Variants in RUVBL1 observed in about 807,000 individuals in gnomAD.
The protein encoded by RUVBL1 is RuvB like AAA ATPase 1.
A neutral mutation model predicts 52.4 loss-of-function variants in RUVBL1; 4 were observed. That is an observed-to-expected ratio of 0.08 (90% CI 0.04 to 0.17). The LOEUF (loss-of-function observed/expected upper bound fraction) is 0.17. Among genes scored for constraint, RUVBL1 ranks in the 10% least tolerant of loss-of-function variants. The probability of loss-of-function intolerance (pLI) is 1.00; values close to 1 mark genes in which losing one functional copy is unlikely to be tolerated. For missense variants in RUVBL1, 298 were observed against 572.8 expected, an observed-to-expected ratio of 0.52 and a Z score of 4.90; for synonymous variants, 217 against 214.4, an observed-to-expected ratio of 1.01 and a Z score of -0.10.
chr3:128,139,373 A>G (rs114348317), intron 1 of RUVBL1, among the ~76,000 whole-genome samples: 1,784 of 152,374 alleles, frequency 0.012, 28 homozygotes, highest in African/African-American at 0.041. Flanking sequence ...CCAATTTAGA[A>G]AAAACAGGCA....
intron 8 of RUVBL1, among the ~76,000 whole-genome samples, chr3:128,094,355 C>T (rs1438994666): frequency 2.0e-5 from 3 of 152,138 alleles, no homozygotes; most frequent in Non-Finnish European, 4.4e-5. Context: ...GGCAAGAAGC[C>T]GAGAGGGAGC....
At chr3:128,075,616 C>A (rs1942292629) in intron 9 of RUVBL1, among the ~76,000 whole-genome samples, 1 of 152,006 alleles carries the variant, frequency 6.6e-6, no homozygotes, top group Non-Finnish European at 1.5e-5. Flanking sequence ...GTCGCGACTT[C>A]CCAAGTCGTG....
chr3:128,127,863 A>G (rs78973048), upstream of RUVBL1, among the ~76,000 whole-genome samples: 1 of 152,094 alleles, frequency 6.6e-6, no homozygotes, highest in South Asian at 2.1e-4. Context: ...CAGGCATGGC[A>G]GCACACACCT....
At chr3:128,065,151 G>C in exon 10 of RUVBL1, 1 of 1,168,388 alleles carries the variant, frequency 8.6e-7, no homozygotes, top group South Asian at 1.2e-5. Context: ...GTGTTGAAAC[G>C]ATGAGATGGT....
chr3:128,153,525 G>C (rs1251305991), exon 1 of RUVBL1: 1 of 1,514,864 alleles, frequency 6.6e-7, no homozygotes, highest in Non-Finnish European at 8.8e-7. Flanking sequence ...GGCGGCGGGT[G>C]AACGTGAACG....
At chr3:128,129,796 C>A (rs916971827) in intron 1 of RUVBL1, among the ~76,000 whole-genome samples, 1 of 152,122 alleles carries the variant, frequency 6.6e-6, no homozygotes, top group Non-Finnish European at 1.5e-5. Flanking sequence ...TATGGCTCCA[C>A]TATGAGGAAG....
At chr3:128,153,879 C>T (rs897233967) in exon 1 of RUVBL1, 54 of 1,442,454 alleles carry the variant, frequency 3.7e-5, no homozygotes, top group Non-Finnish European at 4.4e-5. Flanking sequence ...AGCGACCGGG[C>T]CCCGTGTCCG....
chr3:128,116,348 C>G (rs145248638), intron 2 of RUVBL1, among the ~76,000 whole-genome samples: 2 of 152,002 alleles, frequency 1.3e-5, no homozygotes, highest in African/African-American at 4.8e-5. Context: ...CGAGACCAGC[C>G]TGACCAACAT....
chr3:128,116,534 A>C (rs978013589), intron 2 of RUVBL1, among the ~76,000 whole-genome samples: 1 of 152,146 alleles, frequency 6.6e-6, no homozygotes, highest in African/African-American at 2.4e-5. Context: ...ATCTCAAAAA[A>C]AAAAAAAAAA....
intron 5 of RUVBL1, 72 bp downstream of exon 5, chr3:128,101,487 A>G: frequency 7.0e-7 from 1 of 1,427,628 alleles, no homozygotes. Context: ...GAAGAAAGCA[A>G]CTCCCTTGTC....
At chr3:128,139,469 G>C (rs1943988812) in intron 1 of RUVBL1, among the ~76,000 whole-genome samples, 1 of 152,168 alleles carries the variant, frequency 6.6e-6, no homozygotes, top group South Asian at 2.1e-4. Flanking sequence ...CTGATCATCA[G>C]AGAGATGCAA....
At chr3:128,146,018 T>C (rs1326511286) in intron 1 of RUVBL1, among the ~76,000 whole-genome samples, 2 of 151,930 alleles carry the variant, frequency 1.3e-5, no homozygotes, top group African/African-American at 2.4e-5. Context: ...AAAGGTGATA[T>C]GCGCAAAGGA....
chr3:128,146,880 C>T (rs1214002432), intron 1 of RUVBL1, among the ~76,000 whole-genome samples: 4 of 152,190 alleles, frequency 2.6e-5, no homozygotes, highest in African/African-American at 7.2e-5. Flanking sequence ...GCCCCATTTG[C>T]CTGCCACTGT....
chr3:128,092,643 C>T (rs1419269002), intron 8 of RUVBL1, among the ~76,000 whole-genome samples: 3 of 152,008 alleles, frequency 2.0e-5, no homozygotes, highest in African/African-American at 7.3e-5. Context: ...AAATCAAAAC[C>T]ACAATGAGAT....
chr3:128,119,983 C>T (rs1320150692), intron 1 of RUVBL1, among the ~76,000 whole-genome samples: 3 of 152,128 alleles, frequency 2.0e-5, no homozygotes, highest in Non-Finnish European at 2.9e-5. Context: ...TAATACAAAG[C>T]CACTGAAAAG....
intron 9 of RUVBL1, among the ~76,000 whole-genome samples, chr3:128,086,065 C>A (rs1295658448): frequency 6.6e-6 from 1 of 152,204 alleles, no homozygotes; most frequent in Non-Finnish European, 1.5e-5. Context: ...GGCACCATCA[C>A]AGCTCACTGC....
At chr3:128,126,655 T>C (rs1417294580), upstream of RUVBL1, among the ~76,000 whole-genome samples, 1 of 152,126 alleles carries the variant, frequency 6.6e-6, no homozygotes, top group Admixed American at 6.5e-5. Context: ...ATTGAGCAAA[T>C]GCCTGACACA....
rs746022054 is a variant in RUVBL1 at position 128,153,688 on chromosome 3, C to T, written c.-525G>A. 3.8e-5 allele frequency: 60 copies of T among 1,592,282 alleles called. No individual in the cohort carries two copies. In the Admixed American group the frequency reaches 5.2e-4, roughly 14 times the overall value. On this transcript the variant is annotated 5_prime_UTR_variant, in exon 1 of 10. Transcript: ENST00000464873. ...CTTCTCGTGCTTCTCGGTGCCGCTGCCCGCGCGCCTGCGGTCGTCTTTGCC... is the reference window on the plus strand; with the variant it reads ...CTTCTCGTGCTTCTCGGTGCCGCTGTCCGCGCGCCTGCGGTCGTCTTTGCC...
At chr3:128,066,368 C>G (rs1302665952) in intron 9 of RUVBL1, among the ~76,000 whole-genome samples, 4 of 151,518 alleles carry the variant, frequency 2.6e-5, no homozygotes, top group African/African-American at 7.3e-5. Context: ...GTGATAGGCT[C>G]TGTCTTTTGG....
Sources: allele counts gnomAD v4.1 joint callset (sites outside exome capture counted in the v4.1 genomes callset), GRCh38; gene constraint gnomAD v4.1.1; transcripts MANE v1.5; gene names NCBI Gene and HGNC (gene_info 2026-07-23, HGNC 2026-07-21).